Variants in SSBP3 observed in about 807,000 individuals in gnomAD.
The protein encoded by SSBP3 is single stranded DNA binding protein 3.
Under a neutral mutation model 69.6 loss-of-function variants are expected in SSBP3, and 5 were observed. The observed-to-expected ratio is 0.07, with a 90% CI of 0.04 to 0.15. The LOEUF (loss-of-function observed/expected upper bound fraction) is 0.15, where lower values mean the gene tolerates loss of function less well. Ranked by LOEUF, SSBP3 falls within the 10% of genes least tolerant of loss-of-function variation. SSBP3 has a pLI of 1.00. For synonymous variants in SSBP3, 196 were observed against 193.4 expected (o/e 1.01, Z -0.11); for missense variants, 312 against 534.0 (o/e 0.58, Z 4.10).
intron 4 of SSBP3, among the ~76,000 whole-genome samples, chr1:54,395,664 A>G (rs1185685399): frequency 6.6e-6 from 1 of 152,190 alleles, no homozygotes; most frequent in African/African-American, 2.4e-5. Flanking sequence ...TATGCAAAGG[A>G]ATCAGCATTC....
chr1:54,378,030 A>G (rs1232318612), intron 4 of SSBP3, among the ~76,000 whole-genome samples: 1 of 152,072 alleles, frequency 6.6e-6, no homozygotes, highest in East Asian at 1.9e-4. Context: ...ACAAATCCAC[A>G]CCAAGTCTAC....
chr1:54,346,078 G>A (rs1394109828), intron 4 of SSBP3, among the ~76,000 whole-genome samples: 3 of 151,848 alleles, frequency 2.0e-5, no homozygotes, highest in Non-Finnish European at 2.9e-5. Flanking sequence ...CAGGAGAATC[G>A]CTTGAACTCA....
intron 9 of SSBP3, among the ~76,000 whole-genome samples, chr1:54,250,527 C>T (rs367586512): frequency 3.1e-5 from 3 of 96,598 alleles, no homozygotes; most frequent in African/African-American, 5.1e-5. Flanking sequence ...AAAGGGAGCA[C>T]GTGTGGGCGG....
chr1:54,281,855 G>C (rs1490811042), intron 4 of SSBP3, among the ~76,000 whole-genome samples: 2 of 152,026 alleles, frequency 1.3e-5, no homozygotes, highest in Non-Finnish European at 1.5e-5. Context: ...CCAGCACTTT[G>C]GGAGGTTGAG....
At chr1:54,290,932 C>T (rs1345526132) in intron 4 of SSBP3, among the ~76,000 whole-genome samples, 1 of 152,184 alleles carries the variant, frequency 6.6e-6, no homozygotes, top group Non-Finnish European at 1.5e-5. Flanking sequence ...AAAACACACA[C>T]ACACGCACAC....
chr1:54,395,087 A>AT (rs1648771771), intron 4 of SSBP3, among the ~76,000 whole-genome samples: 1 of 151,882 alleles, frequency 6.6e-6, no homozygotes, highest in East Asian at 1.9e-4. Context: ...CCCTTATACA[A>AT]TAAAAAAAAA....
chr1:54,316,705 TAAATA>T lies in SSBP3; in HGVS notation c.277-35183_277-35179del, dbSNP rs1215940242. Among the ~76,000 whole-genome samples the T allele has an allele frequency of 7.8e-3, 633 of 80,724 alleles. 38 individuals are homozygous for T. The highest frequency in any genetic ancestry group is 0.026 in the South Asian group (59 of 2,232). The allele number at this position is 80,724 out of a possible 152,430, so 53.0% of individuals were successfully genotyped here. A position where few individuals can be genotyped will look rare whatever the true frequency, so the allele number is the denominator to read the frequency against. ...ATAAATAAATAAATAAATAAATAAATAAATAAAATAAAATAAAATAAAATAAAAAT... is the reference window on the plus strand; with the variant it reads ...ATAAATAAATAAATAAATAAATAAATAAATAAAATAAAATAAAATAAAAAT... On this transcript the variant is annotated intron_variant, in intron 4 of 17. Transcript: ENST00000610401.
chr1:54,366,891 A>G (rs899622114), intron 4 of SSBP3, among the ~76,000 whole-genome samples: 2 of 152,184 alleles, frequency 1.3e-5, no homozygotes, highest in African/African-American at 4.8e-5. Context: ...CTTTGGATTC[A>G]GACAAACCTG....
chr1:54,338,503 C>T (rs567442492), intron 4 of SSBP3, among the ~76,000 whole-genome samples: 4 of 152,324 alleles, frequency 2.6e-5, no homozygotes, highest in East Asian at 3.9e-4. Flanking sequence ...TTTCTCCACC[C>T]GCTAGAAGCA....
chr1:54,231,020 G>C (rs955545269), intron 14 of SSBP3, among the ~76,000 whole-genome samples: 1 of 152,018 alleles, frequency 6.6e-6, no homozygotes, highest in Non-Finnish European at 1.5e-5. Flanking sequence ...ATTTCTCTTG[G>C]GCAGATACCT....
intron 4 of SSBP3, among the ~76,000 whole-genome samples, chr1:54,328,064 A>G (rs1646341825): frequency 6.6e-6 from 1 of 152,174 alleles, no homozygotes; most frequent in African/African-American, 2.4e-5. Context: ...GGGCGACTCT[A>G]GGGAGTGGGA....
At chr1:54,309,625 C>T (rs1009647093) in intron 4 of SSBP3, among the ~76,000 whole-genome samples, 1 of 152,216 alleles carries the variant, frequency 6.6e-6, no homozygotes, top group Non-Finnish European at 1.5e-5. Flanking sequence ...TTGTTCCTGA[C>T]ACCACTTGGT....
chr1:54,240,047 G>GGTGTGTGTGTGTGTGT lies in SSBP3; in HGVS notation c.856+842_857-849dup, dbSNP rs71066910. 2.3e-3 allele frequency among the ~76,000 whole-genome samples: 175 copies of GGTGTGTGTGTGTGTGT among 77,690 alleles called. 1 individual carries two copies. The highest frequency in any genetic ancestry group is 5.9e-3 in the Middle Eastern group (1 of 170). 51.0% of individuals were successfully genotyped at this position (77,690 alleles called of 152,430 possible). On this transcript the variant is annotated intron_variant, in intron 13 of 17. Coordinates refer to ENST00000610401, the Ensembl canonical transcript of SSBP3. ...TGGGAAAGAAACATAATTGTGATGGGGTGTGTGTGTGTGTGTGTGTGTGTG... is the reference window on the plus strand; with the variant it reads ...TGGGAAAGAAACATAATTGTGATGGGGTGTGTGTGTGTGTGTGTGTGTGTGTGTGTGTGTGTGTGTG...
chr1:54,257,378 G>T (rs887778520), intron 6 of SSBP3, 192 bp from the exon 7 acceptor site: 6 of 537,540 alleles, frequency 1.1e-5, no homozygotes, highest in Non-Finnish European at 1.3e-5. Flanking sequence ...CACAACAAAT[G>T]TGTCTCTTGA....
rs1644962872 is a variant in SSBP3, at chr1:54,258,537, C to A, written c.367-388G>T. Among the ~76,000 whole-genome samples, 1 of 152,186 alleles carries A rather than the reference C, an allele frequency of 6.6e-6. No homozygotes were observed. Among genetic ancestry groups the A allele is most frequent in the African/African-American group, 2.4e-5 (1 of 41,442 alleles). On this transcript the variant is annotated intron_variant, in intron 5 of 17. Transcript: ENST00000610401. This position sits in a 1 kb window ranked among gnomAD's most constrained non-coding sequence, Gnocchi z 4.5. ...CAGACACAGGGACCCAGGTGCAAAGCACGTAGGTGCCGCTTGCACGGGAGG... is the reference window on the plus strand; with the variant it reads ...CAGACACAGGGACCCAGGTGCAAAGAACGTAGGTGCCGCTTGCACGGGAGG...
At chr1:54,290,674 T>C (rs1645588407) in intron 4 of SSBP3, among the ~76,000 whole-genome samples, 1 of 152,146 alleles carries the variant, frequency 6.6e-6, no homozygotes, top group Admixed American at 6.5e-5. Flanking sequence ...ATGTATTTAA[T>C]AATTAGTACC....
chr1:54,244,192 C>T (rs1333582176), intron 9 of SSBP3, among the ~76,000 whole-genome samples: 1 of 152,156 alleles, frequency 6.6e-6, no homozygotes, highest in Non-Finnish European at 1.5e-5. Context: ...CAACCTCCAC[C>T]TCCCAGGTTC....
intron 14 of SSBP3, among the ~76,000 whole-genome samples, chr1:54,233,488 T>C (rs1570192699): frequency 7.3e-6 from 1 of 137,922 alleles, no homozygotes; most frequent in African/African-American, 2.8e-5. Flanking sequence ...GGGAGGGAGG[T>C]GGGGGGTCAG....
At chr1:54,379,890 C>T (rs1156367596) in intron 4 of SSBP3, among the ~76,000 whole-genome samples, 1 of 152,244 alleles carries the variant, frequency 6.6e-6, no homozygotes, top group East Asian at 1.9e-4. Context: ...TCCCACCCGC[C>T]GTTCTAAAAC....
Sources: allele counts gnomAD v4.1 joint callset (sites outside exome capture counted in the v4.1 genomes callset), GRCh38; gene constraint gnomAD v4.1.1; non-coding constraint Gnocchi (gnomAD v3.1); transcripts MANE v1.5; gene names NCBI Gene and HGNC (gene_info 2026-07-23, HGNC 2026-07-21).